Variants in TNIP3 observed in about 807,000 individuals in gnomAD.
TNIP3 encodes TNFAIP3 interacting protein 3, also known as TNFAIP3-interacting protein 3.
In TNIP3, 34 loss-of-function variants were observed where a neutral mutation model predicts 54.1. That is an observed-to-expected ratio of 0.63 (90% CI 0.48 to 0.84). TNIP3 has a LOEUF of 0.84. Ranked by LOEUF, TNIP3 falls within the 40% of genes least tolerant of loss-of-function variation. The pLI is 0.00. For missense variants in TNIP3, 366 were observed against 387.6 expected (o/e 0.94, Z 0.47); for synonymous variants, 134 against 136.8 (o/e 0.98, Z 0.14).
chr4:121,154,717 A>G (rs1184038812), intron 4 of TNIP3, 38 bp from the exon 5 acceptor site: 2 of 1,558,642 alleles, frequency 1.3e-6, no homozygotes, highest in African/African-American at 1.4e-5. Context: ...AAAAGTCAGT[A>G]CAAGTCAAAT....
intron 3 of TNIP3, among the ~76,000 whole-genome samples, chr4:121,169,460 A>C (rs2148820265): frequency 6.6e-6 from 1 of 152,196 alleles, no homozygotes; most frequent in Admixed American, 6.5e-5. Context: ...CCATAACACT[A>C]AATTTTTTTC....
intron 2 of TNIP3, among the ~76,000 whole-genome samples, chr4:121,199,930 G>A (rs566271365): frequency 6.6e-6 from 1 of 152,278 alleles, no homozygotes; most frequent in South Asian, 2.1e-4. Context: ...AAGACACCTC[G>A]TGTGGGGCTG....
chr4:121,218,306 T>TA (rs1726886759), upstream of TNIP3, among the ~76,000 whole-genome samples: 1 of 152,148 alleles, frequency 6.6e-6, no homozygotes, highest in African/African-American at 2.4e-5. Context: ...TTACAAATAA[T>TA]ATCTTAGAGG....
intron 2 of TNIP3, among the ~76,000 whole-genome samples, chr4:121,198,837 AG>A (rs1560687495): frequency 6.6e-6 from 1 of 152,234 alleles, no homozygotes; most frequent in Non-Finnish European, 1.5e-5. Flanking sequence ...GTTCTTTCAA[AG>A]TAATGATGGC....
chr4:121,199,623 T>C (rs1725775013), intron 2 of TNIP3, among the ~76,000 whole-genome samples: 1 of 152,194 alleles, frequency 6.6e-6, no homozygotes, highest in Non-Finnish European at 1.5e-5. Context: ...ATTCCTCTAT[T>C]CTTCAATGGA....
Position 121,138,640 on chromosome 4 carries a change from T to A in TNIP3, c.930A>T (p.Val310=). 1 of 1,614,062 alleles carries A rather than the reference T, an allele frequency of 6.2e-7. No homozygotes were observed. The highest frequency in any genetic ancestry group is 8.5e-7 in the Non-Finnish European group (1 of 1,179,900). Residue 310 remains valine, a synonymous_variant, in exon 10 of 11, where the codon GTA becomes GTT. Transcript: ENST00000057513. ...WYALDQLPPD[V]QHKANGLSSV... ...TGGTCTCACCATTTGCCTTGTGTTG[T>A]ACATCTGGCGGAAGCTGGTCAAGAG...
At chr4:121,210,468 A>G (rs955726245) in intron 2 of TNIP3, among the ~76,000 whole-genome samples, 1 of 152,220 alleles carries the variant, frequency 6.6e-6, no homozygotes, top group Non-Finnish European at 1.5e-5. Flanking sequence ...ATCATTATAG[A>G]TCAACAAGAA....
At chr4:121,208,141 A>T (rs1726285121) in intron 2 of TNIP3, among the ~76,000 whole-genome samples, 1 of 152,202 alleles carries the variant, frequency 6.6e-6, no homozygotes, top group Non-Finnish European at 1.5e-5. Context: ...CAGCAGCATG[A>T]AAATGAACTA....
chr4:121,170,232 C>T (rs997966142), intron 3 of TNIP3, among the ~76,000 whole-genome samples: 24 of 152,270 alleles, frequency 1.6e-4, no homozygotes, highest in Non-Finnish European at 1.5e-4. Context: ...AAGATGAGGT[C>T]GATATTTATC....
intron 2 of TNIP3, among the ~76,000 whole-genome samples, chr4:121,184,308 T>C (rs1047706585): frequency 1.3e-5 from 2 of 152,086 alleles, no homozygotes; most frequent in African/African-American, 2.4e-5. Context: ...ATGGCAGAGG[T>C]TGCTAGGGTT....
intron 2 of TNIP3, among the ~76,000 whole-genome samples, chr4:121,215,882 A>AC (rs1238301963): frequency 7.6e-6 from 1 of 131,060 alleles, no homozygotes; most frequent in Non-Finnish European, 1.5e-5. Context: ...TGCCACATTA[A>AC]AAAAAAAAAA....
chr4:121,205,178 G>T (rs946286060), intron 2 of TNIP3, among the ~76,000 whole-genome samples: 1 of 152,182 alleles, frequency 6.6e-6, no homozygotes, highest in Non-Finnish European at 1.5e-5. Flanking sequence ...TTTAAATGGA[G>T]TGATCAAAGG....
At position 121,207,066 on chromosome 4, in the gene TNIP3, G is replaced by C. The variant is rs143445364; in HGVS notation, c.68+9349C>G. On this transcript the variant is annotated intron_variant, in intron 2 of 12. Transcript: ENST00000507879. ...AAAATGTTTTCATTGGAAAAAAACA[G>C]TCATGGAAGATCATATTAGTGAAAA... Among the ~76,000 whole-genome samples the C allele has an allele frequency of 3.0e-3, 459 of 152,288 alleles. 7 individuals are homozygous for C. Among genetic ancestry groups the C allele is most frequent in the African/African-American group, 0.01 (429 of 41,568 alleles).
chr4:121,204,726 G>A (rs762819132), intron 2 of TNIP3, among the ~76,000 whole-genome samples: 22 of 152,196 alleles, frequency 1.4e-4, no homozygotes, highest in African/African-American at 3.1e-4. Context: ...ATTTACCAAC[G>A]TTAGATTGTT....
chr4:121,141,540 A>G (rs969271781), intron 9 of TNIP3, among the ~76,000 whole-genome samples: 2 of 152,220 alleles, frequency 1.3e-5, no homozygotes, highest in Non-Finnish European at 2.9e-5. Context: ...CTTTGGGTAG[A>G]ATGAAGTATG....
chr4:121,176,290 G>A (rs1724327657), intron 3 of TNIP3, among the ~76,000 whole-genome samples: 1 of 152,226 alleles, frequency 6.6e-6, no homozygotes, highest in Admixed American at 6.5e-5. Context: ...CTGAGAACAT[G>A]CAGGCAGAGC....
At chr4:121,225,874 G>T (rs781671288) in intron 1 of TNIP3, among the ~76,000 whole-genome samples, 1 of 152,060 alleles carries the variant, frequency 6.6e-6, no homozygotes, top group African/African-American at 2.4e-5. Flanking sequence ...CTTCTACACT[G>T]TGCCACAGGT....
At chr4:121,158,127 G>T (rs1430221954) in intron 3 of TNIP3, among the ~76,000 whole-genome samples, 1 of 152,124 alleles carries the variant, frequency 6.6e-6, no homozygotes, top group Non-Finnish European at 1.5e-5. Flanking sequence ...ATTATAAATT[G>T]TCTTTTATGT....
upstream of TNIP3, among the ~76,000 whole-genome samples, chr4:121,168,973 A>G (rs1405773464): frequency 6.6e-6 from 1 of 152,102 alleles, no homozygotes; most frequent in African/African-American, 2.4e-5. Flanking sequence ...ACACCAACTC[A>G]CCATCATCTC....
Sources: gnomAD v4.1 joint callset for allele counts (sites outside exome capture counted in the v4.1 genomes callset) on GRCh38, gnomAD v4.1.1 for gene constraint, MANE v1.5 for transcripts, NCBI Gene and HGNC (gene_info 2026-07-23, HGNC 2026-07-21) for gene names.